Variants in LRP11 observed in about 807,000 individuals in gnomAD.
The protein encoded by LRP11 is LDL receptor related protein 11, also known as low-density lipoprotein receptor-related protein 11.
Under a neutral mutation model 43.1 loss-of-function variants are expected in LRP11, and 25 were observed. The observed-to-expected ratio is 0.58, with a 90% CI of 0.42 to 0.81. The LOEUF (loss-of-function observed/expected upper bound fraction) is 0.81. Ranked by LOEUF, LRP11 falls within the 30% of genes least tolerant of loss-of-function variation. LRP11 has a pLI of 0.00. For synonymous variants in LRP11, 316 were observed against 299.4 expected, an observed-to-expected ratio of 1.06 and a Z score of -0.57; for missense variants, 623 against 665.1, an observed-to-expected ratio of 0.94 and a Z score of 0.70.
chr6:149,838,910 G>T (rs1172638889), intron 3 of LRP11, among the ~76,000 whole-genome samples: 1 of 152,100 alleles, frequency 6.6e-6, no homozygotes, highest in Non-Finnish European at 1.5e-5. Flanking sequence ...GGTCACAGGA[G>T]CTCCACGGTT....
rs1471073538 is a variant in LRP11, at chr6:149,837,370, G to A, written c.1007C>T (p.Pro336Leu). ...TLACDGVQQC[P>L]DGSDEDFCQN... ...GCAGAAGTCTTCATCAGACCCATCA[G>A]GACACTGCTGCACTCCATCGCAGGC... Residue 336 changes from proline (P) to leucine (L), a missense_variant, in exon 4 of 7, where the codon CCT becomes CTT. By Grantham distance (98) the Pro-to-Leu change is moderately conservative. Transcript: ENST00000239367. The A allele has an allele frequency of 1.7e-5, 27 of 1,613,924 alleles. No homozygotes were observed. Among genetic ancestry groups the A allele is most frequent in the Non-Finnish European group, 2.3e-5 (27 of 1,180,020 alleles).
At position 149,863,660 on chromosome 6, in the gene LRP11, G is replaced by A; in HGVS notation, c.361C>T (p.Pro121Ser). The A allele has an allele frequency of 6.8e-7, 1 of 1,474,398 alleles. No homozygotes were observed. The highest frequency in any genetic ancestry group is 8.9e-7 in the Non-Finnish European group (1 of 1,119,574). The allele number at this position is 1,474,398 out of a possible 1,614,324, so 91.3% of individuals were successfully genotyped here. Reference protein sequence around the residue: ...LAAGASFLRAPAAVRGWRQCV... With the variant: ...LAAGASFLRASAAVRGWRQCV... Reference sequence around the variant, plus strand: ...TGCCGCCAGCCCCGCACGGCCGCCGGCGCCCGCAGGAAGCTGGCACCCGCC... The same window carrying A: ...TGCCGCCAGCCCCGCACGGCCGCCGACGCCCGCAGGAAGCTGGCACCCGCC... The change falls in exon 1 of 7, where the codon CCG becomes TCG. Residue 121 changes from proline (P) to serine (S), a missense_variant. Transcript: ENST00000239367.
chr6:149,850,041 T>C (rs1227650907), intron 2 of LRP11, among the ~76,000 whole-genome samples: 2 of 151,586 alleles, frequency 1.3e-5, no homozygotes, highest in Non-Finnish European at 2.9e-5. Context: ...GCAGGGGAGA[T>C]GAGAGGAGGG....
At chr6:149,847,361 C>T (rs1354291206) in intron 2 of LRP11, among the ~76,000 whole-genome samples, 1 of 152,212 alleles carries the variant, frequency 6.6e-6, no homozygotes, top group East Asian at 1.9e-4. Context: ...GAGCACACTC[C>T]AGTTTAGATC....
rs1374234124 is a variant in LRP11, at chr6:149,819,390, T to A, written c.*1159A>T. 3 of 152,172 alleles carry A rather than the reference T, an allele frequency of 2.0e-5. No individual in the cohort carries two copies. Among genetic ancestry groups the A allele is most frequent in the African/African-American group, 7.2e-5 (3 of 41,438 alleles). The allele number at this position is 152,172 out of a possible 1,614,324, so 9.4% of individuals were successfully genotyped here. ...ACTCCTCTCAGAATCATTTCTAGAA[T>A]GTGTATAATCCCGGCGTTAAGTGAT... On this transcript the variant is annotated 3_prime_UTR_variant, in exon 7 of 7. Transcript: ENST00000239367.
chr6:149,825,552 A>G (rs1776327197), intron 6 of LRP11, among the ~76,000 whole-genome samples: 1 of 152,144 alleles, frequency 6.6e-6, no homozygotes, highest in African/African-American at 2.4e-5. Flanking sequence ...CAGCAACCCT[A>G]TGAGGCAGGT....
intron 6 of LRP11, among the ~76,000 whole-genome samples, chr6:149,824,047 C>T (rs1258430790): frequency 6.6e-6 from 1 of 152,138 alleles, no homozygotes; most frequent in Non-Finnish European, 1.5e-5. Flanking sequence ...CTATAAGTTG[C>T]ATATGTTACA....
intron 5 of LRP11, among the ~76,000 whole-genome samples, chr6:149,833,781 A>G (rs958543631): frequency 6.6e-6 from 1 of 152,242 alleles, no homozygotes; most frequent in African/African-American, 2.4e-5. Context: ...ATTATCAAAA[A>G]GCAAAAGGAG....
Position 149,853,129 on chromosome 6 carries a change from C to A in LRP11, c.645G>T (p.Gly215=). ...TGGGCAGATGCAGAACCACATCCTG[C>A]CCAGCCTTGCTAAGTGGAGGCGCAT... ...EKDAPPLSKA[G]QDVVLHLPTD... is the part of the protein sequence containing the mutation. Residue 215 remains glycine (G), a synonymous_variant, in exon 2 of 7, where the codon GGG becomes GGT. Transcript: ENST00000239367. 2.5e-6 allele frequency: 4 copies of A among 1,605,612 alleles called. No individual in the cohort carries two copies. The highest frequency in any genetic ancestry group is 2.2e-5 in the South Asian group (2 of 89,528).
chr6:149,842,534 G>T, intron 3 of LRP11: 2 of 998,028 alleles, frequency 2.0e-6, no homozygotes, highest in South Asian at 1.4e-5. Flanking sequence ...TGTACCCTTT[G>T]ACCAGCGTCT....
intron 1 of LRP11, among the ~76,000 whole-genome samples, chr6:149,860,606 C>T (rs978297916): frequency 1.3e-5 from 2 of 152,154 alleles, no homozygotes; most frequent in Non-Finnish European, 2.9e-5. Context: ...GTCCTGGGGG[C>T]ATGAGCAGGG....
chr6:149,864,059 G>T lies in LRP11; in HGVS notation c.-39C>A. 1.6e-6 allele frequency: 2 copies of T among 1,272,078 alleles called. No individual in the cohort carries two copies. Among genetic ancestry groups the T allele is most frequent in the South Asian group, 2.7e-5 (1 of 37,688 alleles). The allele number at this position is 1,272,078 out of a possible 1,614,324, so 78.8% of individuals were successfully genotyped here. A position where few individuals can be genotyped will look rare whatever the true frequency, so the allele number is the denominator to read the frequency against. On this transcript the variant is annotated 5_prime_UTR_variant, in exon 1 of 7. Coordinates refer to ENST00000239367, the MANE Select transcript of LRP11 (RefSeq NM_032832.6). The stretch of plus-strand genomic sequence containing the variant: ...AAGGGCAGCGAGCCGAGGCGGGGCT[G>T]AGCGCGGGAGGAAGGCGGGGACGCG...
At chr6:149,848,552 C>G (rs1271768949) in intron 2 of LRP11, among the ~76,000 whole-genome samples, 2 of 152,118 alleles carry the variant, frequency 1.3e-5, no homozygotes, top group Non-Finnish European at 2.9e-5. Context: ...TGCAGCCATA[C>G]AAAACAACAA....
At chr6:149,847,866 C>CAA (rs1231787772) in intron 2 of LRP11, among the ~76,000 whole-genome samples, 13 of 136,564 alleles carry the variant, frequency 9.5e-5, no homozygotes, top group African/African-American at 3.4e-4. Flanking sequence ...CACACACACA[C>CAA]ACACACACAC....
At chr6:149,838,997 C>T (rs536201606) in intron 3 of LRP11, among the ~76,000 whole-genome samples, 3 of 151,746 alleles carry the variant, frequency 2.0e-5, no homozygotes, top group Non-Finnish European at 4.4e-5. Flanking sequence ...TCCTTCAAAA[C>T]CAAATGGCTG....
chr6:149,855,187 C>T (rs1776780199), intron 1 of LRP11, among the ~76,000 whole-genome samples: 1 of 152,158 alleles, frequency 6.6e-6, no homozygotes. Flanking sequence ...AACATTCAAG[C>T]TGGAGAAACT....
intron 1 of LRP11, among the ~76,000 whole-genome samples, chr6:149,856,816 G>C (rs973891314): frequency 6.6e-6 from 1 of 152,164 alleles, no homozygotes; most frequent in Admixed American, 6.5e-5. Flanking sequence ...GACATTCTGT[G>C]CTGTGTGGGA....
intron 3 of LRP11, chr6:149,842,576 C>T (rs1039638702): frequency 6.9e-7 from 1 of 1,453,132 alleles, no homozygotes; most frequent in South Asian, 1.2e-5. Flanking sequence ...CGCACAGCCT[C>T]CAGTAACCGC....
At chr6:149,847,221 G>A (rs1003270415) in intron 2 of LRP11, among the ~76,000 whole-genome samples, 4 of 152,164 alleles carry the variant, frequency 2.6e-5, no homozygotes, top group Non-Finnish European at 4.4e-5. Flanking sequence ...AAAGGACAGA[G>A]CATCCCTGGG....
Sources: gnomAD v4.1 joint callset for allele counts (sites outside exome capture counted in the v4.1 genomes callset) on GRCh38, gnomAD v4.1.1 for gene constraint, MANE v1.5 for transcripts, NCBI Gene and HGNC (gene_info 2026-07-23, HGNC 2026-07-21) for gene names.